FARP1: variants seen among roughly 807,000 people sequenced by gnomAD.
FARP1 encodes FERM, ARH/RhoGEF and pleckstrin domain protein 1.
Under a neutral mutation model 128.8 loss-of-function variants are expected in FARP1, and 52 were observed. That is an observed-to-expected ratio of 0.40 (90% CI 0.32 to 0.51). The LOEUF (loss-of-function observed/expected upper bound fraction) is 0.51. Among genes scored for constraint, FARP1 ranks in the 20% least tolerant of loss-of-function variants. FARP1 has a pLI of 0.45. For synonymous variants in FARP1, 580 were observed against 551.8 expected (o/e 1.05, Z -0.72); for missense variants, 1,333 against 1,367.9 (o/e 0.97, Z 0.40).
At chr13:98,294,948 C>T (rs1885596909) in intron 2 of FARP1, among the ~76,000 whole-genome samples, 1 of 151,170 alleles carries the variant, frequency 6.6e-6, no homozygotes, top group African/African-American at 2.4e-5. Context: ...TCCCGAGAGG[C>T]AGAGGTTGCA....
rs1320209637 is a variant in FARP1 at position 98,451,466 on chromosome 13, AG to A, written c.*3150del. 2 of 152,220 alleles carry A rather than the reference AG, an allele frequency of 1.3e-5. No individual in the cohort carries two copies. Among genetic ancestry groups the A allele is most frequent in the Non-Finnish European group, 2.9e-5 (2 of 68,042 alleles). The allele number at this position is 152,220 out of a possible 1,614,324, so 9.4% of individuals were successfully genotyped here. ...AAATATATCCCTTATACAAATTAAG[AG>A]TTCAACCCAAATCCACTTCTAATAA... On this transcript the variant is annotated 3_prime_UTR_variant, in exon 27 of 27. Transcript: ENST00000319562.
intron 2 of FARP1, 29 bp from the exon 3 acceptor site, chr13:98,343,733 G>A (rs546764346): frequency 6.6e-7 from 1 of 1,518,248 alleles, no homozygotes; most frequent in South Asian, 1.1e-5. Context: ...GCCTGCCTCA[G>A]GGATAACCCC....
intron 2 of FARP1, among the ~76,000 whole-genome samples, chr13:98,322,454 TC>T (rs1330681548): frequency 6.6e-6 from 1 of 152,130 alleles, no homozygotes; most frequent in Admixed American, 6.5e-5. Flanking sequence ...CCAGCCCAAA[TC>T]CACATGCTTC....
In FARP1 at chr13:98,450,041, G is replaced by GAT. The variant is rs1032957001; in HGVS notation, c.*1725_*1726dup. 6.0e-5 allele frequency: 5 copies of GAT among 83,610 alleles called. No individual in the cohort carries two copies. The highest frequency in any genetic ancestry group is 1.6e-4 in the African/African-American group (4 of 24,754). 5.2% of individuals were successfully genotyped at this position (83,610 alleles called of 1,614,324 possible). A position where few individuals can be genotyped will look rare whatever the true frequency, so the allele number is the denominator to read the frequency against. ...TCTCCTCAGCTATTTATTTCTGAAT[G>GAT]ATTGATTGATTCCAAACTACTTGCT... On this transcript the variant is annotated 3_prime_UTR_variant, in exon 27 of 27. Transcript: ENST00000319562.
At chr13:98,296,588 T>C (rs1885708042) in intron 2 of FARP1, among the ~76,000 whole-genome samples, 1 of 151,844 alleles carries the variant, frequency 6.6e-6, no homozygotes, top group African/African-American at 2.4e-5. Flanking sequence ...ATGGGAGCCT[T>C]TTTTGCGTAG....
At chr13:98,276,167 T>C (rs1056640038) in intron 2 of FARP1, among the ~76,000 whole-genome samples, 2 of 152,216 alleles carry the variant, frequency 1.3e-5, no homozygotes, top group African/African-American at 2.4e-5. Flanking sequence ...TAAGCATAGC[T>C]GAAGGCTAGC....
Position 98,449,787 on chromosome 13 carries a change from CTTCA to C in FARP1, c.*1473_*1476del, listed in dbSNP as rs1017590776. 1.4e-5 allele frequency: 2 copies of C among 142,618 alleles called. No homozygotes were observed. Among genetic ancestry groups the C allele is most frequent in the African/African-American group, 5.2e-5 (2 of 38,254 alleles). The allele number at this position is 142,618 out of a possible 1,614,324, so 8.8% of individuals were successfully genotyped here. On this transcript the variant is annotated 3_prime_UTR_variant, in exon 27 of 27. Coordinates refer to ENST00000319562, the MANE Select transcript of FARP1 (RefSeq NM_005766.4). ...CAAAACAACCAACTTTGTCTGTAGT[CTTCA>C]TTTTCTGTGTGGGGGGGGAGGGGGG...
At chr13:98,181,895 G>T (rs1466415425) in intron 1 of FARP1, among the ~76,000 whole-genome samples, 2 of 152,040 alleles carry the variant, frequency 1.3e-5, no homozygotes, top group African/African-American at 4.8e-5. Flanking sequence ...AAATAAAATA[G>T]ACTTGAATTA....
intron 2 of FARP1, among the ~76,000 whole-genome samples, chr13:98,268,896 T>A (rs1246030626): frequency 1.3e-5 from 2 of 151,980 alleles, no homozygotes; most frequent in Non-Finnish European, 1.5e-5. Flanking sequence ...TTTATTTTTT[T>A]ATTTTTATTT....
chr13:98,322,825 A>G (rs907234852), intron 2 of FARP1, among the ~76,000 whole-genome samples: 1 of 152,214 alleles, frequency 6.6e-6, no homozygotes. Context: ...ACGGGCACAC[A>G]CATACCGTAT....
At chr13:98,164,544 C>G (rs892213363) in intron 1 of FARP1, among the ~76,000 whole-genome samples, 1 of 152,154 alleles carries the variant, frequency 6.6e-6, no homozygotes, top group African/African-American at 2.4e-5. Flanking sequence ...ACATCTGTGG[C>G]CTTCATTTGT....
At position 98,384,834 on chromosome 13, in the gene FARP1, C is replaced by T; in HGVS notation, c.601C>T (p.His201Tyr). ...AGAGGACAAAATCGTGGAATTTCAC[C>T]ATAACCACATGTAAGTCTCATTCTT... ...ALEDKIVEFH[H>Y]NHIGQTPAES... is the part of the protein sequence containing the mutation. Residue 201 changes from histidine (H) to tyrosine (Y), a missense_variant, in exon 7 of 27, where the codon CAT (histidine) becomes TAT (tyrosine). By Grantham distance (83) the His-to-Tyr change is moderately conservative (BLOSUM62 2). This residue lies in a region of FARP1 where 324 missense variants were observed against 398.1 expected (regional missense o/e 0.81). Coordinates refer to ENST00000319562, the MANE Select transcript of FARP1 (RefSeq NM_005766.4). The T allele has an allele frequency of 1.9e-6, 3 of 1,602,774 alleles. No homozygotes were observed. Among genetic ancestry groups the T allele is most frequent in the Non-Finnish European group, 2.6e-6 (3 of 1,169,676 alleles).
chr13:98,432,804 C>T (rs992146745), intron 18 of FARP1: 1 of 152,482 alleles, frequency 6.6e-6, no homozygotes, highest in Non-Finnish European at 1.5e-5. Context: ...AACAGTGCGG[C>T]CCCTGACCTC....
intron 1 of FARP1, chr13:98,203,982 C>A (rs974346479): frequency 6.6e-6 from 1 of 152,248 alleles, no homozygotes; most frequent in African/African-American, 2.4e-5. Context: ...ATACCCTTGA[C>A]CGAAAACCGG....
At chr13:98,166,869 G>A (rs1338555224) in intron 1 of FARP1, among the ~76,000 whole-genome samples, 4 of 151,936 alleles carry the variant, frequency 2.6e-5, no homozygotes, top group Non-Finnish European at 5.9e-5. Context: ...GACTATAGGC[G>A]TGCACTACCA....
intron 2 of FARP1, among the ~76,000 whole-genome samples, chr13:98,255,219 GC>G (rs1215535658): frequency 1.3e-5 from 2 of 152,116 alleles, no homozygotes; most frequent in Non-Finnish European, 2.9e-5. Flanking sequence ...GGTTGCTGTG[GC>G]CGGGCACGGT....
chr13:98,440,757 A>C lies in FARP1; in HGVS notation c.2717A>C (p.His906Pro). 6.2e-7 allele frequency: 1 copy of C among 1,613,368 alleles called. No individual in the cohort carries two copies. Among genetic ancestry groups the C allele is most frequent in the South Asian group, 1.1e-5 (1 of 91,076 alleles). ...SRTSLERQAP[H>P]RGNTMVHVCW... The stretch of plus-strand genomic sequence containing the variant: ...ACATCGCTGGAGCGCCAGGCCCCGC[A>C]CCGCGGCAACACAATGGTGCACGTG... The change falls in exon 24 of 27, where the codon CAC becomes CCC. Residue 906 changes from histidine (H) to proline (P), a missense_variant. Transcript: ENST00000319562.
chr13:98,355,945 C>T (rs1888619797), intron 3 of FARP1, among the ~76,000 whole-genome samples: 1 of 152,010 alleles, frequency 6.6e-6, no homozygotes, highest in Admixed American at 6.6e-5. Flanking sequence ...TATTGAATTC[C>T]ATAGTGGTCA....
intron 1 of FARP1, among the ~76,000 whole-genome samples, chr13:98,201,446 C>T (rs1006307998): frequency 1.3e-5 from 2 of 152,160 alleles, no homozygotes; most frequent in African/African-American, 4.8e-5. Context: ...GAGACCCTGC[C>T]TCAAAGAAAC....
Sources: allele counts gnomAD v4.1 joint callset (sites outside exome capture counted in the v4.1 genomes callset), GRCh38; gene constraint gnomAD v4.1.1; regional missense constraint gnomAD v4.1.1; transcripts MANE v1.5; gene names NCBI Gene and HGNC (gene_info 2026-07-23, HGNC 2026-07-21).